Variants in FN1 observed in about 807,000 individuals in gnomAD.
FN1 encodes fibronectin 1.
FN1 carries 106 observed loss-of-function variants against 297.3 expected under a neutral mutation model. The observed-to-expected ratio is 0.36, with a 90% CI of 0.30 to 0.42. The LOEUF is 0.42. Among genes scored for constraint, FN1 ranks in the 10% least tolerant of loss-of-function variants. The pLI is 1.00. For missense variants in FN1, 2,690 were observed against 3,124.9 expected, an observed-to-expected ratio of 0.86 and a Z score of 3.32; for synonymous variants, 1,149 against 1,152.6, an observed-to-expected ratio of 1.00 and a Z score of 0.06.
At chr2:215,376,207 T>C (rs182568627) in intron 36 of FN1, among the ~76,000 whole-genome samples, 3 of 152,326 alleles carry the variant, frequency 2.0e-5, no homozygotes, top group Admixed American at 2.0e-4. Context: ...TTTATTTCTT[T>C]TAGTTTTAAA....
rs757441305 is a variant in FN1 at position 215,409,661 on chromosome 2, C to T, written c.2201G>A (p.Ser734Asn). 5 of 1,614,124 alleles carry T rather than the reference C, an allele frequency of 3.1e-6. No homozygotes were observed. The South Asian group carries it at 3.3e-5, about 11-fold the overall frequency. The change falls in exon 15 of 46, where the codon AGT becomes AAT. Residue 734 changes from serine to asparagine, a missense_variant. By Grantham distance (46) the Ser-to-Asn change is conservative (BLOSUM62 1). Around this residue, in one of 3 missense-constraint regions of FN1, gnomAD observed 876 missense variants for 1,058.1 expected, o/e 0.83. Coordinates refer to ENST00000354785, the MANE Select transcript of FN1 (RefSeq NM_212482.4). The part of the protein sequence containing the change: ...TSESVTEITA[S>N]SFVVSWVSAS... ...TGAGACCCAGGAGACCACAAAGCTA[C>T]TGGCTGTGATTTCGGTCACAGATTC...
At chr2:215,373,266 C>A in intron 39 of FN1, 56 bp downstream of exon 39, 2 of 1,358,860 alleles carry the variant, frequency 1.5e-6, no homozygotes, top group South Asian at 2.3e-5. Context: ...CAAGATTGCT[C>A]ATTTGTTATT....
rs149030766 is a variant in FN1, at chr2:215,399,019, G to A, written c.3348+238C>T. 9.2e-5 allele frequency among the ~76,000 whole-genome samples: 14 copies of A among 152,290 alleles called. No homozygotes were observed. The East Asian group carries it at 2.1e-3, about 23-fold the overall frequency. On this transcript the variant is annotated intron_variant, in intron 21 of 45. Transcript: ENST00000354785. ...TAAGATAACAATAAGCAGCAGCTTC[G>A]TGCTAATGTTTTATCCTTTGCAAAA...
chr2:215,428,308 G>A lies in FN1; in HGVS notation c.716C>T (p.Ser239Phe), dbSNP rs375689149. 1 of 1,614,002 alleles carries A rather than the reference G, an allele frequency of 6.2e-7. No homozygotes were observed. Among genetic ancestry groups the A allele is most frequent in the Non-Finnish European group, 8.5e-7 (1 of 1,180,010 alleles). ...GCTCCAGGTGTCTCCAATTCTATAG[G>A]ATGTCCTTGTGTCCTGATCGTTGCA... ...NRCNDQDTRT[S>F]YRIGDTWSKK... is the part of the protein sequence containing the mutation. Residue 239 changes from serine (S) to phenylalanine (F), a missense_variant, in exon 6 of 46, where the codon TCC (serine) becomes TTC (phenylalanine). Coordinates refer to ENST00000354785, the MANE Select transcript of FN1 (RefSeq NM_212482.4).
rs1246763355 is a variant in FN1 at position 215,408,102 on chromosome 2, G to T, written c.2518+6C>A. On this transcript the variant is annotated splice_donor_region_variant and intron_variant, in intron 17 of 45. Transcript: ENST00000354785. The stretch of plus-strand genomic sequence containing the variant: ...TAGCAGCCAAAGAGGGGGACGCTTA[G>T]CTGACCTGTGATGGGAGCCTGGGGT... The T allele has an allele frequency of 6.2e-7, 1 of 1,612,514 alleles. No individual in the cohort carries two copies. The highest frequency in any genetic ancestry group is 8.5e-7 in the Non-Finnish European group (1 of 1,178,730).
Position 215,422,238 on chromosome 2 carries a change from C to G in FN1, c.1399G>C (p.Glu467Gln). The G allele has an allele frequency of 1.9e-6, 3 of 1,613,940 alleles. No homozygotes were observed. Among genetic ancestry groups the G allele is most frequent in the Non-Finnish European group, 2.5e-6 (3 of 1,179,874 alleles). ...CCTTCATTGGTTGTGCAGATTTCCT[C>G]GTGGGCTGTTTGGAAATGGATAAGA... ...KFGFCPMAAH[E>Q]EICTTNEGVM... Residue 467 changes from glutamate to glutamine, a missense_variant, in exon 10 of 46, where the codon GAG (glutamate) becomes CAG (glutamine). Physicochemically the swap from Glu to Gln is conservative, Grantham distance 29. Around this residue, in one of 3 missense-constraint regions of FN1, gnomAD observed 876 missense variants for 1,058.1 expected, o/e 0.83. Transcript: ENST00000354785.
rs772527263 is a variant in FN1 at position 215,423,416 on chromosome 2, T to A, written c.1327A>T (p.Met443Leu). The A allele has an allele frequency of 1.9e-6, 3 of 1,614,118 alleles. No homozygotes were observed. The highest frequency in any genetic ancestry group is 1.3e-5 in the African/African-American group (1 of 74,946). Residue 443 changes from methionine (M) to leucine (L), a missense_variant, in exon 9 of 46, where the codon ATG becomes TTG. Physicochemically the swap from Met to Leu is conservative, Grantham distance 15 (BLOSUM62 2). Transcript: ENST00000354785. Reference sequence around the variant, plus strand: ...TTCTGTGTGGTCCCACACCACTTCATGTTGTCTCTTCTGCCCTCAGAAGTG... The same window carrying A: ...TTCTGTGTGGTCCCACACCACTTCAAGTTGTCTCTTCTGCCCTCAGAAGTG... ...DCTSEGRRDNMKWCGTTQNYD... is the reference protein window; with the variant it reads ...DCTSEGRRDNLKWCGTTQNYD...
chr2:215,412,912 T>G (rs2062883915), intron 13 of FN1, among the ~76,000 whole-genome samples: 1 of 152,090 alleles, frequency 6.6e-6, no homozygotes, highest in Non-Finnish European at 1.5e-5. Flanking sequence ...TGTCTTGAAG[T>G]TGCAACCAAG....
At chr2:215,404,307 T>TTTTGTG in intron 20 of FN1, 82 bp downstream of exon 20, 1 of 1,233,470 alleles carries the variant, frequency 8.1e-7, no homozygotes, top group African/African-American at 1.5e-5. Flanking sequence ...ATGTTTTTTT[T>TTTTGTG]GTTTTGTTTT....
intron 24 of FN1, chr2:215,393,409 A>G: frequency 2.5e-6 from 1 of 405,164 alleles, no homozygotes. Context: ...AAGAATAAAC[A>G]GGAATATTCT....
chr2:215,419,909 T>C (rs970128420), intron 11 of FN1, among the ~76,000 whole-genome samples: 1 of 152,198 alleles, frequency 6.6e-6, no homozygotes, highest in African/African-American at 2.4e-5. Context: ...AACAAACGGA[T>C]GTTATCAGTT....
Position 215,419,297 on chromosome 2 carries a change from G to A in FN1, c.1764C>T (p.Tyr588=), listed in dbSNP as rs2063870387. 6.2e-7 allele frequency: 1 copy of A among 1,613,714 alleles called. No individual in the cohort carries two copies. The highest frequency in any genetic ancestry group is 8.5e-7 in the Non-Finnish European group (1 of 1,179,632). Residue 588 remains tyrosine, a synonymous_variant, in exon 12 of 46, where the codon TAC becomes TAT. Transcript: ENST00000354785. ...ACTCCCCAATGCCACGGCCATAGCA[G>A]TAGCACTGGTATCTGACACCATGCA... ...KYVHGVRYQC[Y]CYGRGIGEWH... is the part of the protein sequence containing the mutation.
intron 41 of FN1, 126 bp downstream of exon 41, chr2:215,370,168 G>T (rs6729046): frequency 2.2e-6 from 2 of 913,488 alleles, no homozygotes; most frequent in Admixed American, 1.9e-5. Context: ...TTTATTTCAT[G>T]TTGATGTGTT....
Position 215,384,088 on chromosome 2 carries a change from A to C in FN1, c.4826T>G (p.Val1609Gly), listed in dbSNP as rs1559398545. 4 of 1,614,188 alleles carry C rather than the reference A, an allele frequency of 2.5e-6. No individual in the cohort carries two copies. Among genetic ancestry groups the C allele is most frequent in the Non-Finnish European group, 3.4e-6 (4 of 1,180,022 alleles). ...GTCTCCACGGCCAGTGACAGCATAC[A>C]CAGTGATGGTATAATCAACTCCAGG... ...LKPGVDYTIT[V>G]YAVTGRGDSP... The change falls in exon 30 of 46, where the codon GTG becomes GGG. Residue 1609 changes from valine (V) to glycine (G), a missense_variant. By Grantham distance (109) the Val-to-Gly change is moderately radical. Around this residue, in one of 3 missense-constraint regions of FN1, gnomAD observed 1,743 missense variants for 1,945.2 expected, o/e 0.90. Coordinates refer to ENST00000354785, the MANE Select transcript of FN1 (RefSeq NM_212482.4).
chr2:215,429,356 C>T (rs2106500229), intron 5 of FN1, among the ~76,000 whole-genome samples: 1 of 152,254 alleles, frequency 6.6e-6, no homozygotes, highest in East Asian at 1.9e-4. Flanking sequence ...TCTATGCGTG[C>T]ATTTATCTGG....
In FN1 at chr2:215,370,363, T is replaced by C. The variant is rs1330217896; in HGVS notation, c.6784A>G (p.Ile2262Val). The change falls in exon 41 of 46, where the codon ATA (isoleucine) becomes GTA (valine). Residue 2262 changes from isoleucine to valine, a missense_variant. Ile to Val is a conservative substitution (Grantham distance 29). Transcript: ENST00000354785. ...TGCTGGTCTTTCAGTGCCTCCACTA[T>C]GACGTTGTAGGTGGCACCTCTGGTG... ...GLTRGATYNV[I>V]VEALKDQQRH... The C allele has an allele frequency of 1.4e-5, 23 of 1,613,668 alleles. No individual in the cohort carries two copies. The highest frequency in any genetic ancestry group is 5.3e-5 in the African/African-American group (4 of 74,808).
intron 40 of FN1, 38 bp downstream of exon 40, chr2:215,371,871 G>T: frequency 6.4e-7 from 1 of 1,554,104 alleles, no homozygotes; most frequent in Non-Finnish European, 8.9e-7. Flanking sequence ...ATTCCTTTCT[G>T]TGCTGCCCCA....
intron 20 of FN1, 135 bp downstream of exon 20, chr2:215,404,254 A>T: frequency 1.1e-6 from 1 of 914,282 alleles, no homozygotes; most frequent in Non-Finnish European, 1.7e-6. Flanking sequence ...TCTATGGAGC[A>T]CATTTTTAGT....
At chr2:215,411,029 A>C (rs2062549899) in intron 13 of FN1, among the ~76,000 whole-genome samples, 1 of 152,220 alleles carries the variant, frequency 6.6e-6, no homozygotes. Flanking sequence ...TTTGTGACTC[A>C]TCATATACCA....
Sources: allele counts gnomAD v4.1 joint callset (sites outside exome capture counted in the v4.1 genomes callset), GRCh38; gene constraint gnomAD v4.1.1; regional missense constraint gnomAD v4.1.1; transcripts MANE v1.5; gene names NCBI Gene and HGNC (gene_info 2026-07-23, HGNC 2026-07-21).